The following SHE variants were observed in gnomAD, a reference collection of about 807,000 sequenced individuals.
The protein encoded by SHE is Src homology 2 domain containing E.
SHE carries 11 observed loss-of-function variants against 49.8 expected under a neutral mutation model. The observed-to-expected ratio is 0.22, with a 90% confidence interval of 0.14 to 0.37. The LOEUF is 0.37. Ranked by LOEUF, SHE falls within the 10% of genes least tolerant of loss-of-function variation. The pLI, the probability that SHE is intolerant of heterozygous loss-of-function variation, is 1.00. For synonymous variants in SHE, 310 were observed against 278.1 expected, an observed-to-expected ratio of 1.11 and a Z score of -1.14; for missense variants, 624 against 655.5, an observed-to-expected ratio of 0.95 and a Z score of 0.52.
chr1:154,488,549 TGCCC>T (rs1465294639), intron 3 of SHE, among the ~76,000 whole-genome samples: 2 of 151,790 alleles, frequency 1.3e-5, no homozygotes, highest in Non-Finnish European at 2.9e-5. Flanking sequence ...TGAGCCACTG[TGCCC>T]GGCTTGGTTA....
Position 154,501,604 on chromosome 1 carries a change from G to A in SHE, c.423C>T (p.Ser141=). Residue 141 remains serine (S), a synonymous_variant, in exon 1 of 6, where the codon AGC becomes AGT. Transcript: ENST00000304760. ...CCTTGATGAGCCTGTTGATGTAGGT[G>A]CTGCAGCCCGAGCTCTTGGTTGCAC... The part of the protein sequence containing the change: ...HRGATKSSGC[S]TYINRLIKVD... 2 of 1,614,186 alleles carry A rather than the reference G, an allele frequency of 1.2e-6. No homozygotes were observed. Among genetic ancestry groups the A allele is most frequent in the East Asian group, 2.2e-5 (1 of 44,880 alleles).
chr1:154,485,905 T>G, intron 5 of SHE, 38 bp downstream of exon 5: 1 of 1,600,846 alleles, frequency 6.2e-7, no homozygotes, highest in Non-Finnish European at 8.6e-7. Flanking sequence ...CAGTGTTCCT[T>G]CCCCTTGGAG....
chr1:154,495,397 G>A (rs928313559), intron 2 of SHE, among the ~76,000 whole-genome samples: 1 of 152,116 alleles, frequency 6.6e-6, no homozygotes, highest in African/African-American at 2.4e-5. Context: ...ATCTTTTTAT[G>A]AACAATCCTT....
chr1:154,478,800 T>TA (rs1281525978), downstream of SHE, among the ~76,000 whole-genome samples: 1 of 152,176 alleles, frequency 6.6e-6, no homozygotes, highest in African/African-American at 2.4e-5. Context: ...GAGCATTTCT[T>TA]AATGCAAACT....
chr1:154,501,847 GC>G lies in SHE; in HGVS notation c.179del (p.Gly60AlafsTer52). On this transcript the variant is annotated frameshift_variant, in exon 1 of 6. Transcript: ENST00000304760. LOFTEE classifies it high-confidence loss of function. ...AGTTCTTGCGCAATTTGCCGCCGCC[GC>G]CCCCGGGCTTGGCCCGCTCCGACAC... ...KTVSERAKPG[G>X]GGGKLRKNSE... is the part of the protein sequence containing the mutation. 6.5e-7 allele frequency: 1 copy of G among 1,540,134 alleles called. No individual in the cohort carries two copies. The highest frequency in any genetic ancestry group is 8.7e-7 in the Non-Finnish European group (1 of 1,149,926).
intron 2 of SHE, 115 bp downstream of exon 2, chr1:154,498,997 G>T: frequency 7.5e-7 from 1 of 1,336,456 alleles, no homozygotes. Context: ...CTTCAAGTCA[G>T]CAGGATCTGG....
rs931206700 is a variant in SHE, at chr1:154,483,209, C to T, written c.*940G>A. 8.1e-6 allele frequency: 8 copies of T among 985,192 alleles called. No homozygotes were observed. The African/African-American group carries it at 1.2e-4, about 15-fold the overall frequency. 61.0% of individuals were successfully genotyped at this position (985,192 alleles called of 1,614,324 possible). On this transcript the variant is annotated 3_prime_UTR_variant, in exon 6 of 6. Coordinates refer to ENST00000304760, the MANE Select transcript of SHE (RefSeq NM_001010846.3). Reference sequence around the variant, plus strand: ...TATTTATGCTTATCTCACTGATTTGCTAAAAAATGAGAAAATCCACAGAGA... The same window carrying T: ...TATTTATGCTTATCTCACTGATTTGTTAAAAAATGAGAAAATCCACAGAGA...
downstream of SHE, chr1:154,479,361 T>A: frequency 3.6e-6 from 1 of 274,810 alleles, no homozygotes; most frequent in Non-Finnish European, 5.6e-6. Flanking sequence ...CATCATGGTG[T>A]TTCTATATTT....
intron 3 of SHE, among the ~76,000 whole-genome samples, chr1:154,487,053 C>T (rs1692201365): frequency 6.6e-6 from 1 of 152,130 alleles, no homozygotes; most frequent in African/African-American, 2.4e-5. Context: ...GCAGGCAGAT[C>T]ACAAGGTCAA....
At chr1:154,473,039 C>G (rs562506011) in intron 1 of SHE, among the ~76,000 whole-genome samples, 1 of 151,978 alleles carries the variant, frequency 6.6e-6, no homozygotes, top group South Asian at 2.1e-4. Flanking sequence ...GCTGTTGTTG[C>G]CAAGGCTGGA....
chr1:154,470,205 C>T (rs1453818008), exon 2 of SHE: 36 of 726,714 alleles, frequency 5.0e-5, no homozygotes, highest in South Asian at 4.8e-4. Flanking sequence ...AGATGTCACC[C>T]AGGTGGCCAG....
chr1:154,486,602 T>C lies in SHE; in HGVS notation c.1106A>G (p.Lys369Arg), dbSNP rs762750226. The C allele has an allele frequency of 1.2e-6, 2 of 1,614,186 alleles. No individual in the cohort carries two copies. Among genetic ancestry groups the C allele is most frequent in the East Asian group, 2.2e-5 (1 of 44,882 alleles). Residue 369 changes from lysine (K) to arginine (R), a missense_variant, in exon 4 of 6, where the codon AAG becomes AGG. This residue lies in a region of SHE where 125 missense variants were observed against 181.7 expected (regional missense o/e 0.69). Coordinates refer to ENST00000304760, the MANE Select transcript of SHE (RefSeq NM_001010846.3). Reference sequence around the variant, plus strand: ...GTCCGAGAGGGCTGGCTTCAGGATCTTCTGGGTCCAGCTCTTCTGCCGGTG... The same window carrying C: ...GTCCGAGAGGGCTGGCTTCAGGATCCTCTGGGTCCAGCTCTTCTGCCGGTG... ...QHHRQKSWTQ[K>R]ILKPALSDHS...
Position 154,480,910 on chromosome 1 carries a change from A to T in SHE, c.*3239T>A. 6 of 985,300 alleles carry T rather than the reference A, an allele frequency of 6.1e-6. No individual in the cohort carries two copies. Among genetic ancestry groups the T allele is most frequent in the Non-Finnish European group, 6.0e-6 (5 of 829,848 alleles). The allele number at this position is 985,300 out of a possible 1,614,324, so 61.0% of individuals were successfully genotyped here. On this transcript the variant is annotated 3_prime_UTR_variant, in exon 6 of 6. Transcript: ENST00000304760. ...TGAACTTGTCCAGTCATCGCAAGCA[A>T]GTATTTTTTTTAAAGAAGGTGTGAT...
At chr1:154,485,879 C>T (rs1400124548) in intron 5 of SHE, 64 bp downstream of exon 5, 3 of 1,575,406 alleles carry the variant, frequency 1.9e-6, no homozygotes, top group African/African-American at 1.4e-5. Context: ...TTTTTTTTGA[C>T]TAGAAGACTG....
chr1:154,479,409 C>A, downstream of SHE: 1 of 755,160 alleles, frequency 1.3e-6, no homozygotes, highest in Non-Finnish European at 1.6e-6. Flanking sequence ...TGCTGTAGCT[C>A]TTACCATGGG....
At chr1:154,494,814 C>T (rs375459398) in intron 2 of SHE, among the ~76,000 whole-genome samples, 73 of 152,216 alleles carry the variant, frequency 4.8e-4, no homozygotes, top group African/African-American at 1.4e-3. Flanking sequence ...CACTTTGGGA[C>T]GCCAAGGCAG....
chr1:154,483,954 C>A lies in SHE; in HGVS notation c.*195G>T, dbSNP rs372721095. ...CAGATGTTGCAGTGAGCCAAGATTG[C>A]GCCATTGCACTCCAGCCTGGGCAAC... On this transcript the variant is annotated 3_prime_UTR_variant, in exon 6 of 6. Coordinates refer to ENST00000304760, the MANE Select transcript of SHE (RefSeq NM_001010846.3). 1.0e-5 allele frequency: 14 copies of A among 1,368,622 alleles called. No individual in the cohort carries two copies. The Admixed American group carries it at 3.1e-4, about 30-fold the overall frequency. 84.8% of individuals were successfully genotyped at this position (1,368,622 alleles called of 1,614,324 possible).
chr1:154,499,277 C>T (rs200966626), intron 1 of SHE, 39 bp from the exon 2 acceptor site: 98 of 1,584,216 alleles, frequency 6.2e-5, no homozygotes, highest in Non-Finnish European at 7.9e-5. Context: ...TAAGGGCCAC[C>T]GTATACCAAA....
At chr1:154,495,400 C>A (rs1313316596) in intron 2 of SHE, among the ~76,000 whole-genome samples, 1 of 152,152 alleles carries the variant, frequency 6.6e-6, no homozygotes, top group African/African-American at 2.4e-5. Flanking sequence ...TTTTTATGAA[C>A]AATCCTTTGG....
Sources: allele counts gnomAD v4.1 joint callset (sites outside exome capture counted in the v4.1 genomes callset), GRCh38; gene constraint gnomAD v4.1.1; regional missense constraint gnomAD v4.1.1; transcripts MANE v1.5; gene names NCBI Gene and HGNC (gene_info 2026-07-23, HGNC 2026-07-21).